The following DNAH7 variants were observed in gnomAD, a reference collection of about 807,000 sequenced individuals.
The protein encoded by DNAH7 is axonemal beta dynein heavy chain 7.
In DNAH7, 397 loss-of-function variants were observed where a neutral mutation model predicts 444.6. That is an observed-to-expected ratio of 0.89 (90% CI 0.82 to 0.97). The LOEUF (loss-of-function observed/expected upper bound fraction) is 0.97. DNAH7 is among the 50% of genes least tolerant of loss of function. The pLI, the probability that DNAH7 is intolerant of heterozygous loss-of-function variation, is 0.00. For missense variants in DNAH7, 4,902 were observed against 4,800.8 expected (o/e 1.02, Z -0.62); for synonymous variants, 1,636 against 1,624.4 (o/e 1.01, Z -0.17).
In DNAH7 at chr2:195,738,059, C is replaced by G. The variant is rs775657398; in HGVS notation, c.11937G>C (p.Lys3979Asn). ...ATAATACTCCTCTCCGCTCACTTGT[C>G]TTATACAATGGAGCAACATAACTTG... Reference protein sequence around the residue: ...KRPSYVAPLYKTSERRGVLST... With the variant: ...KRPSYVAPLYNTSERRGVLST... Residue 3979 changes from lysine to asparagine, a missense_variant, in exon 65 of 65, where the codon AAG becomes AAC. Lys to Asn is a moderately conservative substitution (Grantham distance 94). Coordinates refer to ENST00000312428, the MANE Select transcript of DNAH7 (RefSeq NM_018897.3). 3.7e-6 allele frequency: 6 copies of G among 1,614,000 alleles called. No individual in the cohort carries two copies. The South Asian group carries it at 5.5e-5, about 15-fold the overall frequency.
intron 64 of DNAH7, 44 bp downstream of exon 64, chr2:195,740,722 G>A (rs199942661): frequency 2.4e-6 from 2 of 817,004 alleles, no homozygotes; most frequent in Non-Finnish European, 1.7e-6. Context: ...TATAAAATAT[G>A]TATAAAATAA....
chr2:195,944,386 C>A (rs573273436), intron 19 of DNAH7, among the ~76,000 whole-genome samples: 5 of 152,260 alleles, frequency 3.3e-5, no homozygotes, highest in African/African-American at 1.2e-4. Flanking sequence ...CCTTGACTAG[C>A]ATCTTGAAAC....
chr2:195,949,050 T>C (rs886175604), intron 19 of DNAH7, among the ~76,000 whole-genome samples: 2 of 152,146 alleles, frequency 1.3e-5, no homozygotes, highest in African/African-American at 4.8e-5. Flanking sequence ...ATTCTTTTTG[T>C]AGGAATTGTG....
chr2:195,830,548 G>T (rs1260066653), intron 48 of DNAH7, among the ~76,000 whole-genome samples: 1 of 152,164 alleles, frequency 6.6e-6, no homozygotes, highest in African/African-American at 2.4e-5. Context: ...GCAGCTTGTA[G>T]AAGAGAAACA....
At chr2:195,994,522 G>A (rs547802228) in intron 12 of DNAH7, 17 of 489,888 alleles carry the variant, frequency 3.5e-5, no homozygotes, top group African/African-American at 3.0e-4. Context: ...TTGGAATTGG[G>A]TTTAGAGATA....
rs978719495 is a variant in DNAH7, at chr2:195,933,686, G to A, written c.3471+905C>T. On this transcript the variant is annotated intron_variant, in intron 21 of 64. Transcript: ENST00000312428. ...ACACCGCATGTTCTCACTCATAGGT[G>A]GGAATTGAACAATGAGAACACATGG... 2.7e-5 allele frequency among the ~76,000 whole-genome samples: 4 copies of A among 149,476 alleles called. No homozygotes were observed. The East Asian group carries it at 5.9e-4, about 22-fold the overall frequency.
intron 19 of DNAH7, among the ~76,000 whole-genome samples, chr2:195,950,516 T>C (rs182379834): frequency 6.6e-6 from 1 of 152,160 alleles, no homozygotes; most frequent in Non-Finnish European, 1.5e-5. Flanking sequence ...TCTTCATTAG[T>C]CTGGCTAGCA....
intron 43 of DNAH7, 69 bp from the exon 44 acceptor site, chr2:195,857,792 T>A: frequency 1.5e-6 from 2 of 1,327,624 alleles, no homozygotes; most frequent in African/African-American, 3.0e-5. Context: ...GTGGTTCCTA[T>A]TTTCAAACTA....
rs1227590097 is a variant in DNAH7 at position 195,882,009 on chromosome 2, A to G, written c.5764-17T>C. On this transcript the variant is annotated splice_polypyrimidine_tract_variant and intron_variant, in intron 35 of 64. Coordinates refer to ENST00000312428, the MANE Select transcript of DNAH7 (RefSeq NM_018897.3). ...TCCTATTCCCTGTTTATAATTAACA[A>G]CCAAGTAATGAATGCTATAAAATAC... 6.2e-7 allele frequency: 1 copy of G among 1,603,258 alleles called. No homozygotes were observed. The highest frequency in any genetic ancestry group is 1.7e-5 in the Admixed American group (1 of 59,646).
At chr2:195,821,096 A>G (rs1697446973) in intron 49 of DNAH7, among the ~76,000 whole-genome samples, 1 of 151,958 alleles carries the variant, frequency 6.6e-6, no homozygotes, top group Admixed American at 6.6e-5. Flanking sequence ...CTGCACAACT[A>G]TAGAAGGAGC....
Position 196,001,798 on chromosome 2 carries a change from A to C in DNAH7, c.1050T>G (p.Thr350=), listed in dbSNP as rs1447646675. ...YQGNKKKQLP[T]GDSSAKLESF... is the part of the protein sequence containing the mutation. ...ATTCCAATTTGGCACTGCTGTCACC[A>C]GTTGGCAATTGCTTTTTTTTATTAC... The change falls in exon 11 of 65, where the codon ACT becomes ACG. Residue 350 remains threonine, a synonymous_variant. Coordinates refer to ENST00000312428, the MANE Select transcript of DNAH7 (RefSeq NM_018897.3). The C allele has an allele frequency of 2.5e-6, 4 of 1,612,928 alleles. No homozygotes were observed. The Admixed American group carries it at 6.7e-5, about 27-fold the overall frequency.
chr2:196,054,034 GTC>G (rs1356281297), intron 2 of DNAH7, among the ~76,000 whole-genome samples: 2 of 152,152 alleles, frequency 1.3e-5, no homozygotes. Context: ...GTTGGGTTAA[GTC>G]TCTGAGATTT....
chr2:196,016,401 C>A (rs898724938), intron 9 of DNAH7, among the ~76,000 whole-genome samples: 6 of 152,070 alleles, frequency 3.9e-5, no homozygotes, highest in Admixed American at 2.0e-4. Flanking sequence ...CTCCAATATT[C>A]AAAAGAAAAG....
chr2:195,787,654 C>T (rs1029314654), intron 57 of DNAH7, among the ~76,000 whole-genome samples: 1 of 152,152 alleles, frequency 6.6e-6, no homozygotes, highest in African/African-American at 2.4e-5. Flanking sequence ...AGCTGTTATG[C>T]TGGGAGTCCC....
chr2:195,870,274 A>G (rs1219665550), intron 40 of DNAH7, among the ~76,000 whole-genome samples: 1 of 152,224 alleles, frequency 6.6e-6, no homozygotes, highest in African/African-American at 2.4e-5. Context: ...GTGTCAGGTG[A>G]TGTTCAATGT....
intron 15 of DNAH7, among the ~76,000 whole-genome samples, chr2:195,984,345 A>C (rs932233809): frequency 1.3e-5 from 2 of 151,912 alleles, no homozygotes; most frequent in South Asian, 4.1e-4. Flanking sequence ...TTTTTTATTT[A>C]TTTTATTTAT....
rs555664989 is a variant in DNAH7 at position 195,853,665 on chromosome 2, T to C, written c.8596-137A>G. ...TGGGATTTCCTATATCACTATGATA[T>C]AGGAAAGTCCATGATATTTTAGAAT... On this transcript the variant is annotated intron_variant, in intron 45 of 64. Coordinates refer to ENST00000312428, the MANE Select transcript of DNAH7 (RefSeq NM_018897.3). 9 of 804,546 alleles carry C rather than the reference T, an allele frequency of 1.1e-5. No homozygotes were observed. In the South Asian group the frequency reaches 1.7e-4, roughly 15 times the overall value. The allele number at this position is 804,546 out of a possible 1,614,324, so 49.8% of individuals were successfully genotyped here.
At chr2:195,889,468 C>T (rs1212209042) in intron 31 of DNAH7, among the ~76,000 whole-genome samples, 9 of 151,914 alleles carry the variant, frequency 5.9e-5, no homozygotes, top group Admixed American at 5.9e-4. Context: ...GTGCGCACCA[C>T]CACACCCAGC....
rs762961022 is a variant in DNAH7, at chr2:195,884,752, G to A, written c.5596C>T (p.Arg1866Ter). 5 of 1,613,790 alleles carry A rather than the reference G, an allele frequency of 3.1e-6. No individual in the cohort carries two copies. The highest frequency in any genetic ancestry group is 1.3e-5 in the African/African-American group (1 of 74,888). ...SVGASCTDDDRLKFNKILREL... is the reference protein window; with the variant it reads ...SVGASCTDDD ...CGAAGAATCTTATTAAATTTCAATC[G>A]ATCATCATCTGTACAAGAAGCACCA... Residue 1866 changes from arginine (R) to a stop codon, truncating the protein, a stop_gained, in exon 35 of 65, where the codon CGA (arginine) becomes TGA (stop). Coordinates refer to ENST00000312428, the MANE Select transcript of DNAH7 (RefSeq NM_018897.3). LOFTEE classifies it high-confidence loss of function.
Sources: allele counts gnomAD v4.1 joint callset (sites outside exome capture counted in the v4.1 genomes callset), GRCh38; gene constraint gnomAD v4.1.1; transcripts MANE v1.5; gene names NCBI Gene and HGNC (gene_info 2026-07-23, HGNC 2026-07-21).